Variants in ACADM observed in about 807,000 individuals in gnomAD.
The protein encoded by ACADM is medium-chain specific acyl-CoA dehydrogenase, mitochondrial.
In ACADM, 49 loss-of-function variants were observed where a neutral mutation model predicts 58.9. That is an observed-to-expected ratio of 0.83 (90% CI 0.66 to 1.06). The LOEUF is 1.06. ACADM is among the 50% of genes least tolerant of loss of function. The pLI is 0.00. For missense variants in ACADM, 496 were observed against 507.0 expected, an observed-to-expected ratio of 0.98 and a Z score of 0.21; for synonymous variants, 160 against 157.7, an observed-to-expected ratio of 1.01 and a Z score of -0.11.
chr1:75,730,976 C>T (rs1647138279), intron 2 of ACADM, among the ~76,000 whole-genome samples: 1 of 152,032 alleles, frequency 6.6e-6, no homozygotes, highest in Non-Finnish European at 1.5e-5. Context: ...CCTTACTCTG[C>T]ATTAGTTTAT....
intron 1 of ACADM, among the ~76,000 whole-genome samples, chr1:75,725,913 A>G (rs1003343118): frequency 1.4e-4 from 22 of 152,202 alleles, no homozygotes; most frequent in African/African-American, 5.3e-4. Context: ...ACCTAGATTC[A>G]CATTCAGCAA....
At chr1:75,740,907 G>A (rs761157816) in intron 7 of ACADM, among the ~76,000 whole-genome samples, 1 of 152,112 alleles carries the variant, frequency 6.6e-6, no homozygotes, top group South Asian at 2.1e-4. Context: ...GAAAAGCAAA[G>A]CCTTGGTTAT....
chr1:75,762,780 A>C lies in ACADM; in HGVS notation c.*17A>C. 1 of 1,470,528 alleles carries C rather than the reference A, an allele frequency of 6.8e-7. No homozygotes were observed. Among genetic ancestry groups the C allele is most frequent in the Middle Eastern group, 1.7e-4 (1 of 5,740 alleles). The allele number at this position is 1,470,528 out of a possible 1,614,324, so 91.1% of individuals were successfully genotyped here. On this transcript the variant is annotated 3_prime_UTR_variant, in exon 12 of 12. Transcript: ENST00000370841. The stretch of plus-strand genomic sequence containing the variant: ...AAAAATTAAAAAAATTACTGTAGAA[A>C]TATTGAATAACTAGAACACAAGCCA...
intron 5 of ACADM, chr1:75,734,545 A>G: frequency 4.4e-6 from 2 of 459,654 alleles, no homozygotes; most frequent in Non-Finnish European, 8.0e-6. Context: ...TTATTAGTGC[A>G]TTTCACTATA....
Position 75,728,257 on chromosome 1 carries a change from A to T in ACADM, c.31-144A>T, listed in dbSNP as rs1647086443. 5 of 575,932 alleles carry T rather than the reference A, an allele frequency of 8.7e-6. No individual in the cohort carries two copies. In the Admixed American group the frequency reaches 1.6e-4, roughly 18 times the overall value. 35.7% of individuals were successfully genotyped at this position (575,932 alleles called of 1,614,324 possible). ...TGATAATTGGCTTATTTAAATTATGATTGAAGGCATTTAAATAGTGATGAC... is the reference window on the plus strand; with the variant it reads ...TGATAATTGGCTTATTTAAATTATGTTTGAAGGCATTTAAATAGTGATGAC... On this transcript the variant is annotated intron_variant, in intron 1 of 11. Transcript: ENST00000370841.
At chr1:75,752,241 C>A (rs139993100) in intron 10 of ACADM, among the ~76,000 whole-genome samples, 1 of 152,260 alleles carries the variant, frequency 6.6e-6, no homozygotes, top group African/African-American at 2.4e-5. Flanking sequence ...CTCAGCCCCC[C>A]ATGAGCCTCC....
chr1:75,743,758 T>A (rs878914016), intron 7 of ACADM: 1 of 1,553,674 alleles, frequency 6.4e-7, no homozygotes, highest in Non-Finnish European at 8.9e-7. Context: ...AATATCTGCA[T>A]AATTCATAGC....
At chr1:75,729,113 G>A (rs1436801754) in intron 2 of ACADM, among the ~76,000 whole-genome samples, 1 of 151,908 alleles carries the variant, frequency 6.6e-6, no homozygotes, top group Non-Finnish European at 1.5e-5. Context: ...TCAGAAAATA[G>A]TTAAAGGCAG....
At chr1:75,744,515 T>C in intron 7 of ACADM, 2 of 1,523,914 alleles carry the variant, frequency 1.3e-6, no homozygotes, top group Non-Finnish European at 9.1e-7. Flanking sequence ...TTCTCCCACC[T>C]GACATCTCCC....
At position 75,729,456 on chromosome 1, in the gene ACADM, T is replaced by TG. The variant is rs1435580584; in HGVS notation, c.118+968_118+969insG. On this transcript the variant is annotated intron_variant, in intron 2 of 11. Coordinates refer to ENST00000370841, the MANE Select transcript of ACADM (RefSeq NM_000016.6). ...CCAGACCAAATGAAAAGTTTCTGTG[T>TG]TTTTTTTTTTTTTCCTGTGACTTCT... 9.9e-4 allele frequency among the ~76,000 whole-genome samples: 22 copies of TG among 22,264 alleles called. No individual in the cohort carries two copies. The East Asian group carries it at 0.043, about 44-fold the overall frequency. The allele number at this position is 22,264 out of a possible 152,430, so 14.6% of individuals were successfully genotyped here. A position where few individuals can be genotyped will look rare whatever the true frequency, so the allele number is the denominator to read the frequency against.
intron 10 of ACADM, among the ~76,000 whole-genome samples, chr1:75,757,600 T>C (rs1159267428): frequency 6.6e-6 from 1 of 152,220 alleles, no homozygotes; most frequent in East Asian, 1.9e-4. Flanking sequence ...ACTTTTACAC[T>C]GTTGGTGGGA....
intron 2 of ACADM, among the ~76,000 whole-genome samples, chr1:75,731,564 C>T (rs1647150883): frequency 6.6e-6 from 1 of 152,150 alleles, no homozygotes; most frequent in Non-Finnish European, 1.5e-5. Flanking sequence ...AATCAAGCCA[C>T]CATACTAATT....
At chr1:75,761,948 T>C (rs1648882635) in intron 11 of ACADM, among the ~76,000 whole-genome samples, 1 of 152,196 alleles carries the variant, frequency 6.6e-6, no homozygotes, top group Non-Finnish European at 1.5e-5. Context: ...ACCTAGCAAA[T>C]TATTTGACTC....
chr1:75,747,315 G>T (rs1252042435), intron 8 of ACADM, among the ~76,000 whole-genome samples: 1 of 150,878 alleles, frequency 6.6e-6, no homozygotes, highest in Non-Finnish European at 1.5e-5. Context: ...TATTTATGTA[G>T]TGCATACTAT....
chr1:75,750,930 G>A, intron 10 of ACADM: 1 of 311,646 alleles, frequency 3.2e-6, no homozygotes. Flanking sequence ...TGTATTTTTA[G>A]TAGAGATGGG....
At position 75,739,951 on chromosome 1, in the gene ACADM, T is replaced by C. The variant is rs755210161; in HGVS notation, c.469-29T>C. 1.9e-6 allele frequency: 3 copies of C among 1,546,516 alleles called. No individual in the cohort carries two copies. The South Asian group carries it at 3.7e-5, about 19-fold the overall frequency. On this transcript the variant is annotated intron_variant, in intron 6 of 11. Coordinates refer to ENST00000370841, the MANE Select transcript of ACADM (RefSeq NM_000016.6). ...CAAAATTTAATCACTAACATTTAAT[T>C]TCATTTCTCTTGTTTTTATATATTC...
chr1:75,735,709 T>G (rs1037923399), intron 6 of ACADM, among the ~76,000 whole-genome samples: 9 of 151,788 alleles, frequency 5.9e-5, no homozygotes, highest in Non-Finnish European at 1.2e-4. Context: ...AAAAATTAGC[T>G]GGATGTGGTG....
chr1:75,750,455 C>G lies in ACADM; in HGVS notation c.854C>G (p.Ala285Gly). ...GAFDKTRPVV[A>G]AGAVGLAQRA... ...TATAATATCTTAAAATACTAGGTAG[C>G]TGCTGGTGCTGTTGGATTAGCACAA... is the stretch of plus-strand genomic sequence containing the variant. Residue 285 changes from alanine to glycine, a missense_variant, in exon 10 of 12, where the codon GCT becomes GGT. Physicochemically the swap from Ala to Gly is moderately conservative, Grantham distance 60. Transcript: ENST00000370841. 1 of 1,609,662 alleles carries G rather than the reference C, an allele frequency of 6.2e-7. No homozygotes were observed. Among genetic ancestry groups the G allele is most frequent in the South Asian group, 1.1e-5 (1 of 90,252 alleles).
intron 7 of ACADM, chr1:75,743,320 G>A: frequency 1.5e-6 from 2 of 1,342,486 alleles, no homozygotes; most frequent in South Asian, 1.3e-5. Flanking sequence ...CCAACAGCAT[G>A]TGCCTGTCAC....
Sources: allele counts gnomAD v4.1 joint callset (sites outside exome capture counted in the v4.1 genomes callset), GRCh38; gene constraint gnomAD v4.1.1; transcripts MANE v1.5; gene names NCBI Gene and HGNC (gene_info 2026-07-23, HGNC 2026-07-21).